The following CHL1 variants were observed in gnomAD, a reference collection of about 807,000 sequenced individuals.
CHL1 encodes the protein cell adhesion molecule L1 like, also known as neural cell adhesion molecule L1-like protein.
A neutral mutation model predicts 141.9 loss-of-function variants in CHL1; 96 were observed. The observed-to-expected ratio is 0.68, with a 90% CI of 0.57 to 0.80. The LOEUF is 0.80. CHL1 is among the 30% of genes least tolerant of loss of function. The pLI, the probability that CHL1 is intolerant of heterozygous loss-of-function variation, is 0.00. For synonymous variants in CHL1, 613 were observed against 502.2 expected (o/e 1.22, Z -2.95); for missense variants, 1,820 against 1,457.2 (o/e 1.25, Z -4.05).
chr3:365,751 A>G (rs115285458), intron 14 of CHL1, among the ~76,000 whole-genome samples, 199 bp from the exon 15 acceptor site: 12 of 152,198 alleles, frequency 7.9e-5, no homozygotes, highest in South Asian at 6.2e-4. Flanking sequence ...TGATATTTCC[A>G]CTTAAATTTT....
At chr3:394,052 C>T (rs576966043) in intron 23 of CHL1, among the ~76,000 whole-genome samples, 44 of 152,164 alleles carry the variant, frequency 2.9e-4, no homozygotes, top group Non-Finnish European at 3.4e-4. Flanking sequence ...CATACTCTTA[C>T]ACAAATCTCA....
rs1438126536 is a variant in CHL1, at chr3:407,718, C to T, written c.*2007C>T. 1 of 152,096 alleles carries T rather than the reference C, an allele frequency of 6.6e-6. No homozygotes were observed. Among genetic ancestry groups the T allele is most frequent in the Non-Finnish European group, 1.5e-5 (1 of 68,006 alleles). 9.4% of individuals were successfully genotyped at this position (152,096 alleles called of 1,614,324 possible). On this transcript the variant is annotated 3_prime_UTR_variant, in exon 28 of 28. Transcript: ENST00000256509. ...CTGTCTCCTCTTCTTTGTCATCAGC[C>T]AAAACGTGGTTTTTAAAGAGAGTCA... is the stretch of plus-strand genomic sequence containing the variant.
intron 1 of CHL1, among the ~76,000 whole-genome samples, chr3:234,026 A>G (rs938679818): frequency 6.6e-6 from 1 of 152,102 alleles, no homozygotes; most frequent in African/African-American, 2.4e-5. Flanking sequence ...AGAGATAAAT[A>G]GCATATCATT....
chr3:373,090 C>T (rs939302588), intron 15 of CHL1, among the ~76,000 whole-genome samples: 10 of 152,096 alleles, frequency 6.6e-5, no homozygotes, highest in Non-Finnish European at 1.0e-4. Context: ...TTGGGTGGCA[C>T]GGGGAATAGG....
chr3:298,717 G>T (rs1306033471), intron 2 of CHL1, among the ~76,000 whole-genome samples: 2 of 152,082 alleles, frequency 1.3e-5, no homozygotes, highest in East Asian at 1.9e-4. Flanking sequence ...CCAGGGAGTG[G>T]TCCCTTGGTG....
intron 15 of CHL1, among the ~76,000 whole-genome samples, chr3:375,768 C>A (rs1034174206): frequency 8.5e-5 from 13 of 152,126 alleles, no homozygotes; most frequent in Non-Finnish European, 1.3e-4. Context: ...TTGTTATCCC[C>A]ATTTTTCAGA....
Position 390,754 on chromosome 3 carries a change from G to A in CHL1, c.2524G>A (p.Val842Ile). Residue 842 changes from valine (V) to isoleucine (I), a missense_variant, in exon 21 of 28, where the codon GTT (valine) becomes ATT (isoleucine). Val to Ile is a conservative substitution (Grantham distance 29). Coordinates refer to ENST00000256509, the MANE Select transcript of CHL1 (RefSeq NM_006614.4). ...GGTGGACGTTATAAACAGTACATTA[G>A]TTAAAGTTACCTGGTCAACAGTTCC... is the stretch of plus-strand genomic sequence containing the variant. Reference protein sequence around the residue: ...HGVDVINSTLVKVTWSTVPKD... With the variant: ...HGVDVINSTLIKVTWSTVPKD... 6.2e-7 allele frequency: 1 copy of A among 1,612,772 alleles called. No individual in the cohort carries two copies. Among genetic ancestry groups the A allele is most frequent in the South Asian group, 1.1e-5 (1 of 91,056 alleles).
chr3:369,800 A>T (rs572151446), intron 15 of CHL1, among the ~76,000 whole-genome samples: 5 of 152,342 alleles, frequency 3.3e-5, no homozygotes, highest in Admixed American at 2.0e-4. Context: ...GACAGTTTTT[A>T]ACATGAAGGA....
chr3:398,380 G>C lies in CHL1; in HGVS notation c.3248G>C (p.Gly1083Ala). ...TTTCAAGATGTAATTGAGACAAGAG[G>C]GAGAGGTGAGAAATGAGATTATATT... ...SIFQDVIETR[G>A]REYAGLYDDI... Residue 1083 changes from glycine to alanine, a missense_variant, in exon 25 of 28, where the codon GGG becomes GCG. By Grantham distance (60) the Gly-to-Ala change is moderately conservative. Coordinates refer to ENST00000256509, the MANE Select transcript of CHL1 (RefSeq NM_006614.4). 1 of 1,593,462 alleles carries C rather than the reference G, an allele frequency of 6.3e-7. No homozygotes were observed. Among genetic ancestry groups the C allele is most frequent in the Non-Finnish European group, 8.6e-7 (1 of 1,162,020 alleles).
chr3:253,049 A>T (rs1693844826), intron 2 of CHL1, among the ~76,000 whole-genome samples: 1 of 152,122 alleles, frequency 6.6e-6, no homozygotes, highest in African/African-American at 2.4e-5. Context: ...GACCTTCCAT[A>T]CTTACTAGTA....
At chr3:314,417 C>T (rs562092119) in intron 2 of CHL1, among the ~76,000 whole-genome samples, 34 of 142,518 alleles carry the variant, frequency 2.4e-4, no homozygotes, top group African/African-American at 8.3e-4. Flanking sequence ...TATTCTATCT[C>T]TTCTACCTAA....
intron 1 of CHL1, among the ~76,000 whole-genome samples, chr3:223,855 G>A (rs984772350): frequency 3.3e-5 from 5 of 152,176 alleles, no homozygotes; most frequent in African/African-American, 1.2e-4. Flanking sequence ...AGGGGTCAAA[G>A]CTGTCTTCTT....
intron 2 of CHL1, among the ~76,000 whole-genome samples, chr3:279,795 C>T (rs143837214): frequency 2.9e-4 from 44 of 152,152 alleles, no homozygotes; most frequent in African/African-American, 9.9e-4. Context: ...GAAGGGAATC[C>T]GAAGTAGGGA....
chr3:310,226 T>C lies in CHL1; in HGVS notation c.-94-9457T>C, dbSNP rs77515210. ...GGGAGGATCATTTAAGGCCAGGAGT[T>C]TGGGAACAGCCTGGACAGCATAGTG... On this transcript the variant is annotated intron_variant, in intron 2 of 27. Transcript: ENST00000256509. Among the ~76,000 whole-genome samples, 624 of 152,034 alleles carry C rather than the reference T, an allele frequency of 4.1e-3. 3 individuals carry two copies. Among genetic ancestry groups the C allele is most frequent in the African/African-American group, 0.014 (573 of 41,456 alleles).
chr3:374,602 G>C (rs1706074351), intron 15 of CHL1, among the ~76,000 whole-genome samples: 4 of 152,184 alleles, frequency 2.6e-5, no homozygotes, highest in Admixed American at 1.3e-4. Flanking sequence ...CTGGCTATCT[G>C]AGTGGACTGA....
intron 11 of CHL1, 88 bp from the exon 12 acceptor site, chr3:360,196 T>G: frequency 6.8e-7 from 1 of 1,475,974 alleles, no homozygotes; most frequent in Non-Finnish European, 9.3e-7. Context: ...TTTGAAAATA[T>G]AAATACTGTG....
At chr3:210,403 A>G (rs1210924843) in intron 1 of CHL1, among the ~76,000 whole-genome samples, 2 of 152,174 alleles carry the variant, frequency 1.3e-5, no homozygotes, top group African/African-American at 2.4e-5. Flanking sequence ...GGTATCTCAG[A>G]GAGTGGCTGG....
intron 1 of CHL1, among the ~76,000 whole-genome samples, chr3:234,378 G>A (rs907798270): frequency 6.6e-6 from 1 of 152,066 alleles, no homozygotes; most frequent in Non-Finnish European, 1.5e-5. Flanking sequence ...GCGAGTTTCT[G>A]CTGGTGAAAG....
chr3:248,323 G>T (rs1391143125), intron 2 of CHL1: 2 of 151,990 alleles, frequency 1.3e-5, no homozygotes, highest in Non-Finnish European at 2.9e-5. Context: ...AATGCTACAG[G>T]TAGATTTTAA....
Sources: allele counts gnomAD v4.1 joint callset (sites outside exome capture counted in the v4.1 genomes callset), GRCh38; gene constraint gnomAD v4.1.1; transcripts MANE v1.5; gene names NCBI Gene and HGNC (gene_info 2026-07-23, HGNC 2026-07-21).